The following CCPG1 variants were observed in gnomAD, a reference collection of about 807,000 sequenced individuals.
CCPG1 encodes the protein cell cycle progression protein 1.
Under a neutral mutation model 81.3 loss-of-function variants are expected in CCPG1, and 46 were observed. The observed-to-expected ratio is 0.57, with a 90% CI of 0.45 to 0.72. CCPG1 has a LOEUF of 0.72. Ranked by LOEUF, CCPG1 falls within the 30% of genes least tolerant of loss-of-function variation. CCPG1 has a pLI of 0.00. For synonymous variants in CCPG1, 330 were observed against 305.2 expected, an observed-to-expected ratio of 1.08 and a Z score of -0.85; for missense variants, 902 against 937.6, an observed-to-expected ratio of 0.96 and a Z score of 0.50.
rs2141234327 is a variant in CCPG1, at chr15:55,356,173, A to G, written c.*47T>C. ...AGTTTCAATACCAAACATTATACAA[A>G]GCATAAATTTTTCTCTTACAGTTGT... On this transcript the variant is annotated 3_prime_UTR_variant, in exon 9 of 9. Coordinates refer to ENST00000442196, the MANE Select transcript of CCPG1 (RefSeq NM_001204450.2). The G allele has an allele frequency of 1.4e-6, 2 of 1,381,896 alleles. No homozygotes were observed. The highest frequency in any genetic ancestry group is 2.5e-5 in the East Asian group (1 of 39,820). The allele number at this position is 1,381,896 out of a possible 1,614,324, so 85.6% of individuals were successfully genotyped here.
chr15:55,373,097 A>G, intron 5 of CCPG1: 8 of 484,594 alleles, frequency 1.7e-5, no homozygotes, highest in Non-Finnish European at 3.3e-5. Flanking sequence ...AGAAAAACAA[A>G]CTAGTGGGGA....
intron 6 of CCPG1, among the ~76,000 whole-genome samples, chr15:55,369,555 T>G (rs1566970184): frequency 6.6e-6 from 1 of 151,994 alleles, no homozygotes; most frequent in African/African-American, 2.4e-5. Context: ...AAAAGTGATG[T>G]CTTTTAAGTA....
intron 4 of CCPG1, 75 bp from the exon 5 acceptor site, chr15:55,377,225 G>A: frequency 1.0e-6 from 1 of 995,550 alleles, no homozygotes. Flanking sequence ...GAATACAACA[G>A]TAGTAAGTAT....
intron 7 of CCPG1, among the ~76,000 whole-genome samples, chr15:55,364,590 C>T (rs115695807): frequency 0.016 from 2,391 of 150,776 alleles, 109 homozygotes; most frequent in African/African-American, 0.055. Flanking sequence ...AAAAAAAGGC[C>T]ATGGCCGAGC....
intron 8 of CCPG1, chr15:55,358,799 G>C (rs1170419065): frequency 1.0e-6 from 1 of 983,376 alleles, no homozygotes; most frequent in Non-Finnish European, 1.2e-6. Context: ...TATAGGACTA[G>C]ATACCAGCTT....
intron 3 of CCPG1, among the ~76,000 whole-genome samples, chr15:55,379,161 C>CGGGTGTGTGTGTGTGTGTGT (rs2056627257): frequency 7.4e-6 from 1 of 134,682 alleles, no homozygotes; most frequent in Non-Finnish European, 1.6e-5. Flanking sequence ...TGTATATGTA[C>CGGGTGTGTGTGTGTGTGTGT]GTGTGTGTGT....
chr15:55,397,271 G>A (rs746692472), intron 1 of CCPG1, among the ~76,000 whole-genome samples: 1 of 151,724 alleles, frequency 6.6e-6, no homozygotes, highest in Non-Finnish European at 1.5e-5. Flanking sequence ...GGTGGCAAGG[G>A]GACAGACTGA....
chr15:55,402,421 T>A (rs1002250474), intron 1 of CCPG1, among the ~76,000 whole-genome samples: 6 of 152,030 alleles, frequency 3.9e-5, no homozygotes, highest in Non-Finnish European at 8.8e-5. Flanking sequence ...AGAGACGGGG[T>A]TTCACCATGT....
chr15:55,403,974 A>G (rs1276888811), intron 1 of CCPG1, among the ~76,000 whole-genome samples: 4 of 152,224 alleles, frequency 2.6e-5, no homozygotes, highest in Admixed American at 6.5e-5. Flanking sequence ...TTTAACTTGC[A>G]TAAGAATATA....
At chr15:55,371,755 C>T (rs769936252) in intron 6 of CCPG1, 38 bp downstream of exon 6, 2 of 1,593,276 alleles carry the variant, frequency 1.3e-6, no homozygotes, top group South Asian at 2.2e-5. Context: ...TCTACACTAT[C>T]CCATCAGGTT....
At chr15:55,397,111 C>T (rs574347203) in intron 1 of CCPG1, among the ~76,000 whole-genome samples, 8 of 152,050 alleles carry the variant, frequency 5.3e-5, no homozygotes, top group Admixed American at 5.2e-4. Context: ...CTACTTCGGA[C>T]GCTGAGGCAG....
chr15:55,358,367 G>A (rs2056125261), intron 8 of CCPG1: 1 of 985,324 alleles, frequency 1.0e-6, no homozygotes, highest in Non-Finnish European at 1.2e-6. Context: ...GGGGACTACT[G>A]TAATCTAAAA....
At chr15:55,369,007 G>T (rs1321664834) in intron 6 of CCPG1, among the ~76,000 whole-genome samples, 1 of 152,132 alleles carries the variant, frequency 6.6e-6, no homozygotes, top group Non-Finnish European at 1.5e-5. Flanking sequence ...AGCTACTCAG[G>T]AGGGTGAGAC....
rs1462902817 is a variant in CCPG1 at position 55,408,341 on chromosome 15, AGGCGGTGACC to A, written c.-140_-131del. The A allele has an allele frequency of 6.3e-6, 1 of 159,526 alleles. No individual in the cohort carries two copies. Among genetic ancestry groups the A allele is most frequent in the Admixed American group, 6.5e-5 (1 of 15,422 alleles). 9.9% of individuals were successfully genotyped at this position (159,526 alleles called of 1,614,324 possible). A position where few individuals can be genotyped will look rare whatever the true frequency, so the allele number is the denominator to read the frequency against. Reference sequence around the variant, plus strand: ...CTGCTCGCAGGCGTCTGCAGCCGGCAGGCGGTGACCGGCTGGGCGCCGCAGTGCATGCCGT... The same window carrying A: ...CTGCTCGCAGGCGTCTGCAGCCGGCAGGCTGGGCGCCGCAGTGCATGCCGT... On this transcript the variant is annotated 5_prime_UTR_variant, in exon 1 of 9. Coordinates refer to ENST00000442196, the MANE Select transcript of CCPG1 (RefSeq NM_001204450.2).
chr15:55,399,522 G>A (rs946417795), intron 1 of CCPG1, among the ~76,000 whole-genome samples: 1 of 151,898 alleles, frequency 6.6e-6, no homozygotes, highest in Non-Finnish European at 1.5e-5. Flanking sequence ...CCAGGAGGCA[G>A]AGATTAAAGT....
rs201907238 is a variant in CCPG1 at position 55,371,860 on chromosome 15, A to T, written c.639T>A (p.Ser213Arg). Residue 213 changes from serine (S) to arginine (R), a missense_variant, in exon 6 of 9, where the codon AGT (serine) becomes AGA (arginine). Coordinates refer to ENST00000442196, the MANE Select transcript of CCPG1 (RefSeq NM_001204450.2). ...SKELSKRQFS[S>R]GLNKCVILAL... ...CAAGTATAACACACTTATTGAGACC[A>T]CTACTGAACTGACGTTTACTCAACT... is the stretch of plus-strand genomic sequence containing the variant. 1 of 1,614,028 alleles carries T rather than the reference A, an allele frequency of 6.2e-7. No individual in the cohort carries two copies. The highest frequency in any genetic ancestry group is 1.7e-5 in the Admixed American group (1 of 60,016).
intron 6 of CCPG1, among the ~76,000 whole-genome samples, chr15:55,365,621 C>A (rs988762490): frequency 6.6e-6 from 1 of 151,260 alleles, no homozygotes; most frequent in Non-Finnish European, 1.5e-5. Context: ...CCATGTTGGC[C>A]AGGCTGGTCT....
At chr15:55,389,210 G>T (rs1191066812) in intron 2 of CCPG1, among the ~76,000 whole-genome samples, 155 bp downstream of exon 2, 1 of 152,012 alleles carries the variant, frequency 6.6e-6, no homozygotes, top group East Asian at 1.9e-4. Context: ...GGCTCATGAA[G>T]CGTTTTCAGC....
Position 55,360,452 on chromosome 15 carries a change from C to T in CCPG1, c.1321G>A (p.Glu441Lys), listed in dbSNP as rs1485834962. The T allele has an allele frequency of 3.7e-6, 6 of 1,613,900 alleles. No individual in the cohort carries two copies. The Admixed American group carries it at 5.0e-5, about 13-fold the overall frequency. ...TCCCACAAATCAGAACGCTGCTGTT[C>T]GAAGGTTAGCTTCCGTTCCAGCTCA... ...LTELERKLTF[E>K]QQRSDLWERL... Residue 441 changes from glutamate to lysine, a missense_variant, in exon 8 of 9, where the codon GAA (glutamate) becomes AAA (lysine). By Grantham distance (56) the Glu-to-Lys change is moderately conservative. Coordinates refer to ENST00000442196, the MANE Select transcript of CCPG1 (RefSeq NM_001204450.2).
Sources: allele counts gnomAD v4.1 joint callset (sites outside exome capture counted in the v4.1 genomes callset), GRCh38; gene constraint gnomAD v4.1.1; transcripts MANE v1.5; gene names NCBI Gene and HGNC (gene_info 2026-07-23, HGNC 2026-07-21).